The following EDIL3 variants were observed in gnomAD, a reference collection of about 807,000 sequenced individuals.
The protein encoded by EDIL3 is EGF-like repeat and discoidin I-like domain-containing protein 3.
A neutral mutation model predicts 67.4 loss-of-function variants in EDIL3; 37 were observed. The ratio of observed to expected loss-of-function variants is 0.55; its 90% CI spans 0.42 to 0.72. The LOEUF is 0.72. Ranked by LOEUF, EDIL3 falls within the 30% of genes least tolerant of loss-of-function variation. EDIL3 has a pLI of 0.00. For missense variants in EDIL3, 527 were observed against 586.3 expected (o/e 0.90, Z 1.04); for synonymous variants, 195 against 196.3 (o/e 0.99, Z 0.05).
chr5:84,159,921 CATA>C (rs1748573451), intron 4 of EDIL3, among the ~76,000 whole-genome samples: 1 of 152,138 alleles, frequency 6.6e-6, no homozygotes, highest in East Asian at 1.9e-4. Context: ...TGCTTTATCT[CATA>C]ATATTTTGTA....
chr5:83,947,749 A>C (rs1744339660), intron 10 of EDIL3, among the ~76,000 whole-genome samples: 1 of 151,854 alleles, frequency 6.6e-6, no homozygotes, highest in Non-Finnish European at 1.5e-5. Flanking sequence ...CTCTCACTTC[A>C]GTCTATTGAA....
At chr5:84,266,889 T>G (rs1289685587) in intron 1 of EDIL3, among the ~76,000 whole-genome samples, 1 of 152,228 alleles carries the variant, frequency 6.6e-6, no homozygotes, top group African/African-American at 2.4e-5. Flanking sequence ...GTAACAGTAG[T>G]TATTTTTGTG....
chr5:84,244,661 G>A (rs1214251441), intron 2 of EDIL3, among the ~76,000 whole-genome samples: 2 of 152,120 alleles, frequency 1.3e-5, no homozygotes, highest in East Asian at 1.9e-4. Flanking sequence ...GTTACTAGTA[G>A]TATGAGGAAA....
intron 5 of EDIL3, among the ~76,000 whole-genome samples, chr5:84,118,470 G>A (rs1747714050): frequency 6.6e-6 from 1 of 152,148 alleles, no homozygotes; most frequent in African/African-American, 2.4e-5. Context: ...CAAGTATAGT[G>A]TAGTGGTAAC....
chr5:84,071,234 G>A (rs532992130), intron 6 of EDIL3, among the ~76,000 whole-genome samples: 2 of 152,276 alleles, frequency 1.3e-5, no homozygotes, highest in African/African-American at 4.8e-5. Context: ...CTGCTATAAG[G>A]TATCCTCTCT....
At chr5:84,006,434 C>T (rs1307577981) in intron 9 of EDIL3, among the ~76,000 whole-genome samples, 1 of 151,968 alleles carries the variant, frequency 6.6e-6, no homozygotes, top group African/African-American at 2.4e-5. Flanking sequence ...GGGCTGGAGG[C>T]CATTATGCTA....
rs73769763 is a variant in EDIL3, at chr5:84,174,850, C to T, written c.355+5543G>A. On this transcript the variant is annotated intron_variant, in intron 4 of 10. Transcript: ENST00000296591. ...TTTGTTGTAGTTTTTAGTGCTGCTG[C>T]CACATCTGGCAGCAATGCTCCTCTG... Among the ~76,000 whole-genome samples, 1,483 of 152,254 alleles carry T rather than the reference C, an allele frequency of 9.7e-3. 31 individuals are homozygous for T. Among genetic ancestry groups the T allele is most frequent in the African/African-American group, 0.035 (1,435 of 41,540 alleles).
rs528626187 is a variant in EDIL3 at position 84,164,571 on chromosome 5, A to G, written c.355+15822T>C. 2.0e-5 allele frequency among the ~76,000 whole-genome samples: 3 copies of G among 152,214 alleles called. No individual in the cohort carries two copies. The East Asian group carries it at 5.8e-4, about 29-fold the overall frequency. On this transcript the variant is annotated intron_variant, in intron 4 of 10. Coordinates refer to ENST00000296591, the MANE Select transcript of EDIL3 (RefSeq NM_005711.5). Reference sequence around the variant, plus strand: ...AAGTTCAAAAGACAAGATAATTGCAATGATCTCTGTTGCAATTCACCGTGG... The same window carrying G: ...AAGTTCAAAAGACAAGATAATTGCAGTGATCTCTGTTGCAATTCACCGTGG...
At chr5:84,072,993 C>T (rs996625386) in intron 6 of EDIL3, among the ~76,000 whole-genome samples, 1 of 152,112 alleles carries the variant, frequency 6.6e-6, no homozygotes, top group African/African-American at 2.4e-5. Flanking sequence ...GTAAAGTTCA[C>T]AGGAAGGTGA....
intron 6 of EDIL3, among the ~76,000 whole-genome samples, chr5:84,075,020 T>TA (rs1746823814): frequency 6.6e-6 from 1 of 152,212 alleles, no homozygotes; most frequent in South Asian, 2.1e-4. Context: ...TATGCAGCCA[T>TA]AAAAAATGAT....
chr5:84,268,589 C>G (rs1561240572), intron 1 of EDIL3, among the ~76,000 whole-genome samples: 1 of 152,170 alleles, frequency 6.6e-6, no homozygotes, highest in Non-Finnish European at 1.5e-5. Context: ...AGAAGCTGCT[C>G]TGTACATAAA....
intron 9 of EDIL3, among the ~76,000 whole-genome samples, chr5:84,044,407 G>A (rs563483976): frequency 6.6e-6 from 1 of 151,898 alleles, no homozygotes; most frequent in East Asian, 1.9e-4. Context: ...TGGAATTACT[G>A]CTTACCTTAT....
At chr5:84,309,046 G>A (rs966505798) in intron 1 of EDIL3, among the ~76,000 whole-genome samples, 5 of 152,028 alleles carry the variant, frequency 3.3e-5, no homozygotes, top group African/African-American at 7.2e-5. Flanking sequence ...ACAGTATAAT[G>A]TACTTACATT....
rs558786457 is a variant in EDIL3 at position 84,216,823 on chromosome 5, A to T, written c.226+13032T>A. 1.4e-4 allele frequency among the ~76,000 whole-genome samples: 21 copies of T among 152,336 alleles called. 1 individual carries two copies. The highest frequency in any genetic ancestry group is 5.1e-4 in the African/African-American group (21 of 41,580). ...CAGTCCCTATTACAGGATGAGCAAC[A>T]TTGTGGTGAGCCCTTTACATGTATT... On this transcript the variant is annotated intron_variant, in intron 3 of 10. Coordinates refer to ENST00000296591, the MANE Select transcript of EDIL3 (RefSeq NM_005711.5).
intron 1 of EDIL3, among the ~76,000 whole-genome samples, chr5:84,323,497 A>T (rs1195948031): frequency 6.6e-6 from 1 of 152,022 alleles, no homozygotes; most frequent in East Asian, 1.9e-4. Context: ...TTAATGCAGG[A>T]CATATGGGAC....
intron 9 of EDIL3, among the ~76,000 whole-genome samples, chr5:84,011,752 T>C (rs931849794): frequency 3.3e-5 from 5 of 152,168 alleles, no homozygotes; most frequent in Non-Finnish European, 5.9e-5. Context: ...ACTTTTGCCT[T>C]TCTCCCCAAA....
chr5:84,299,112 C>T (rs916511373), intron 1 of EDIL3, among the ~76,000 whole-genome samples: 10 of 152,142 alleles, frequency 6.6e-5, no homozygotes, highest in Admixed American at 6.5e-4. Context: ...AAGTAGGTTG[C>T]AGTGTAGGTA....
chr5:83,963,174 T>C, intron 10 of EDIL3, 31 bp downstream of exon 10: 1 of 1,574,634 alleles, frequency 6.4e-7, no homozygotes, highest in Non-Finnish European at 8.6e-7. Context: ...CCTCCACTTC[T>C]GAACTTTATA....
intron 4 of EDIL3, among the ~76,000 whole-genome samples, chr5:84,154,813 C>T (rs983574615): frequency 6.6e-6 from 1 of 151,308 alleles, no homozygotes; most frequent in African/African-American, 2.4e-5. Flanking sequence ...GATTCTCCTG[C>T]CTCAGCCTCC....
Sources: allele counts gnomAD v4.1 joint callset (sites outside exome capture counted in the v4.1 genomes callset), GRCh38; gene constraint gnomAD v4.1.1; transcripts MANE v1.5; gene names NCBI Gene and HGNC (gene_info 2026-07-23, HGNC 2026-07-21).